Variants in ACOT12 observed in about 807,000 individuals in gnomAD.
The protein encoded by ACOT12 is acetyl-coenzyme A thioesterase.
Under a neutral mutation model 67.7 loss-of-function variants are expected in ACOT12, and 51 were observed. The observed-to-expected ratio is 0.75, with a 90% CI of 0.60 to 0.95. The LOEUF is 0.95. ACOT12 is among the 40% of genes least tolerant of loss of function. The probability of loss-of-function intolerance (pLI) is 0.00; values close to 1 mark genes in which losing one functional copy is unlikely to be tolerated. For missense variants in ACOT12, 734 were observed against 708.1 expected (o/e 1.04, Z -0.41); for synonymous variants, 251 against 244.6 (o/e 1.03, Z -0.24).
At position 81,330,860 on chromosome 5, in the gene ACOT12, A is replaced by G. The variant is rs776566743; in HGVS notation, c.1472T>C (p.Ile491Thr). ...AGCATGGATGAGAAATCCGGCACAT[A>G]TGATTTCACTTCTGATGTACTGTGG... ...PSPQYIRSEIICAGFLIHAID... is the reference protein window; with the variant it reads ...PSPQYIRSEITCAGFLIHAID... The change falls in exon 14 of 15, where the codon ATA (isoleucine) becomes ACA (threonine). Residue 491 changes from isoleucine to threonine, a missense_variant. Coordinates refer to ENST00000307624, the MANE Select transcript of ACOT12 (RefSeq NM_130767.3). The G allele has an allele frequency of 1.2e-6, 2 of 1,614,074 alleles. No individual in the cohort carries two copies. The highest frequency in any genetic ancestry group is 8.5e-7 in the Non-Finnish European group (1 of 1,179,962).
At chr5:81,325,101 G>A (rs1429903603), downstream of ACOT12, among the ~76,000 whole-genome samples, 1 of 152,188 alleles carries the variant, frequency 6.6e-6, no homozygotes, top group Non-Finnish European at 1.5e-5. Flanking sequence ...GAGAAGGTGA[G>A]AGAAAGTGTT....
At chr5:81,331,237 CT>C (rs1175479702) in intron 13 of ACOT12, among the ~76,000 whole-genome samples, 1 of 152,154 alleles carries the variant, frequency 6.6e-6, no homozygotes, top group Admixed American at 6.5e-5. Flanking sequence ...GCCTCCTTTC[CT>C]TTTTAAATTA....
the ACOT12 span, among the ~76,000 whole-genome samples, chr5:81,321,024 G>A: frequency 1.6e-5 from 2 of 127,716 alleles, no homozygotes; most frequent in African/African-American, 5.4e-5. Context: ...GGGAGGCCCA[G>A]GTGGGTGGAT....
chr5:81,356,239 C>T (rs1759709812), intron 5 of ACOT12, among the ~76,000 whole-genome samples: 2 of 152,220 alleles, frequency 1.3e-5, no homozygotes, highest in South Asian at 4.1e-4. Flanking sequence ...GTCACCAATG[C>T]CTTCCTGATT....
chr5:81,330,487 A>G lies in ACOT12; in HGVS notation c.1575T>C (p.Leu525=). The change falls in exon 15 of 15, where the codon CTT becomes CTC. Residue 525 remains leucine, a synonymous_variant. Transcript: ENST00000307624. ...ASILPYFAGN[L]GGWSKSIEET... ...CTTCAATGGATTTTGACCAGCCACC[A>G]AGATTTCCAGCAAAGTAAGGAAGGA... is the stretch of plus-strand genomic sequence containing the variant. 2.5e-6 allele frequency: 4 copies of G among 1,614,194 alleles called. No homozygotes were observed. Among genetic ancestry groups the G allele is most frequent in the Non-Finnish European group, 3.4e-6 (4 of 1,180,006 alleles).
chr5:81,310,519 T>G, the ACOT12 span, among the ~76,000 whole-genome samples: 1 of 152,092 alleles, frequency 6.6e-6, no homozygotes. Flanking sequence ...TCTGATTAGG[T>G]CATTTTTCTA....
At chr5:81,348,629 A>C (rs143246661) in intron 5 of ACOT12, among the ~76,000 whole-genome samples, 1 of 152,058 alleles carries the variant, frequency 6.6e-6, no homozygotes, top group Non-Finnish European at 1.5e-5. Flanking sequence ...CAGTGGTGCG[A>C]TCTCAGCTCA....
intron 8 of ACOT12, 72 bp downstream of exon 8, chr5:81,344,819 G>C (rs1490378462): frequency 6.4e-7 from 1 of 1,562,906 alleles, no homozygotes; most frequent in East Asian, 2.3e-5. Context: ...GTTGTTGCCG[G>C]TGGGAGGAGA....
At chr5:81,314,139 C>CT in the ACOT12 span, among the ~76,000 whole-genome samples, 4 of 151,952 alleles carry the variant, frequency 2.6e-5, no homozygotes, top group Non-Finnish European at 4.4e-5. Flanking sequence ...ATAGCTCACT[C>CT]TGTCACCCAG....
intron 5 of ACOT12, among the ~76,000 whole-genome samples, chr5:81,354,786 C>T (rs947337402): frequency 1.3e-5 from 2 of 151,804 alleles, no homozygotes; most frequent in African/African-American, 4.8e-5. Flanking sequence ...TCACTGTAAA[C>T]TCCGCCTCTT....
intron 4 of ACOT12, among the ~76,000 whole-genome samples, chr5:81,361,167 G>A (rs556439497): frequency 1.3e-5 from 2 of 150,408 alleles, no homozygotes; most frequent in African/African-American, 4.9e-5. Flanking sequence ...GGACTACCTT[G>A]TGGAATTTGG....
At chr5:81,369,583 A>G (rs371522067) in intron 3 of ACOT12, among the ~76,000 whole-genome samples, 1 of 152,242 alleles carries the variant, frequency 6.6e-6, no homozygotes, top group South Asian at 2.1e-4. Context: ...ATGAAAGAGA[A>G]CAAAATTCTG....
intron 2 of ACOT12, 31 bp from the exon 3 acceptor site, chr5:81,371,841 A>C: frequency 6.3e-7 from 1 of 1,588,188 alleles, no homozygotes; most frequent in Non-Finnish European, 8.6e-7. Context: ...AAACCTCAGT[A>C]GTTTTAGCAC....
At chr5:81,324,099 G>T in the ACOT12 span, among the ~76,000 whole-genome samples, 7 of 151,880 alleles carry the variant, frequency 4.6e-5, no homozygotes, top group African/African-American at 1.7e-4. Flanking sequence ...GTGCCACCAT[G>T]CCCGGCTAAT....
chr5:81,327,408 T>G (rs1758701306), downstream of ACOT12, among the ~76,000 whole-genome samples: 1 of 152,174 alleles, frequency 6.6e-6, no homozygotes, highest in Non-Finnish European at 1.5e-5. Flanking sequence ...GTAACTAGAT[T>G]GCATTGAAAC....
At chr5:81,330,964 T>C in intron 13 of ACOT12, 24 bp from the exon 14 acceptor site, 9 of 1,564,802 alleles carry the variant, frequency 5.8e-6, no homozygotes, top group Non-Finnish European at 6.9e-6. Context: ...CTTTCTAAGC[T>C]CTTGTGAGAA....
intron 1 of ACOT12, among the ~76,000 whole-genome samples, chr5:81,392,974 C>T (rs1760902525): frequency 6.6e-6 from 1 of 152,186 alleles, no homozygotes; most frequent in Non-Finnish European, 1.5e-5. Flanking sequence ...CTCTTATGAC[C>T]TCATTAGCCT....
chr5:81,383,526 A>G (rs11953727), intron 2 of ACOT12, among the ~76,000 whole-genome samples: 74,989 of 151,548 alleles, frequency 0.49, 20,352 homozygotes, highest in African/African-American at 0.71. Context: ...AATAAATTGC[A>G]AGATAAAAGA....
At chr5:81,371,468 G>C (rs962910891) in intron 3 of ACOT12, among the ~76,000 whole-genome samples, 3 of 151,990 alleles carry the variant, frequency 2.0e-5, no homozygotes, top group Non-Finnish European at 1.5e-5. Flanking sequence ...GCCCAGGCTG[G>C]TGTGGAACTC....
Sources: allele counts gnomAD v4.1 joint callset (sites outside exome capture counted in the v4.1 genomes callset), GRCh38; gene constraint gnomAD v4.1.1; transcripts MANE v1.5; gene names NCBI Gene and HGNC (gene_info 2026-07-23, HGNC 2026-07-21).